Variants in RASGEF1C observed in about 807,000 individuals in gnomAD.
RASGEF1C encodes the protein RasGEF domain family member 1C.
RASGEF1C carries 27 observed loss-of-function variants against 58.1 expected under a neutral mutation model. The observed-to-expected ratio is 0.46, with a 90% CI of 0.34 to 0.64. The LOEUF is 0.64. Ranked by LOEUF, RASGEF1C falls within the 30% of genes least tolerant of loss-of-function variation. RASGEF1C has a pLI of 0.01. For missense variants in RASGEF1C, 502 were observed against 605.1 expected (o/e 0.83, Z 1.79); for synonymous variants, 243 against 246.3 (o/e 0.99, Z 0.13).
At chr5:180,114,382 G>T in intron 11 of RASGEF1C, 64 bp downstream of exon 11, 1 of 1,501,714 alleles carries the variant, frequency 6.7e-7, no homozygotes. Context: ...AAGGGCCAGT[G>T]GTCCTGCCCT....
intron 12 of RASGEF1C, 120 bp from the exon 13 acceptor site, chr5:180,102,263 G>A (rs1440509876): frequency 1.1e-5 from 7 of 647,916 alleles, no homozygotes; most frequent in Non-Finnish European, 1.9e-5. Flanking sequence ...TGATCCATGT[G>A]TCCATCCCTC....
At chr5:180,164,142 T>A (rs1766985899) in intron 1 of RASGEF1C, among the ~76,000 whole-genome samples, 1 of 152,236 alleles carries the variant, frequency 6.6e-6, no homozygotes, top group Admixed American at 6.5e-5. Context: ...CGCTAGAGAT[T>A]TGTCAATTGT....
At chr5:180,119,278 G>A in intron 8 of RASGEF1C, 68 bp downstream of exon 8, 2 of 1,322,064 alleles carry the variant, frequency 1.5e-6, no homozygotes. Context: ...TGCCTGCCTG[G>A]CTGCACCCAC....
rs1766613910 is a variant in RASGEF1C at position 180,143,395 on chromosome 5, G to T, written c.-6-5337C>A. 6.6e-6 allele frequency among the ~76,000 whole-genome samples: 1 copy of T among 152,232 alleles called. No individual in the cohort carries two copies. Among genetic ancestry groups the T allele is most frequent in the African/African-American group, 2.4e-5 (1 of 41,454 alleles). ...ACCATGTGGTGCGTTTATAAGGAAG[G>T]CCAGCCCTGAAGATGGATGTGCATT... On this transcript the variant is annotated intron_variant, in intron 1 of 13. Transcript: ENST00000361132. The surrounding 1 kb of genome is among the most constrained non-coding windows in gnomAD (Gnocchi z 4.3).
intron 1 of RASGEF1C, among the ~76,000 whole-genome samples, chr5:180,205,376 A>T (rs62406980): frequency 2.6e-5 from 4 of 152,026 alleles, no homozygotes; most frequent in Non-Finnish European, 4.4e-5. Flanking sequence ...AATAAACTTC[A>T]TAAGAAATAG....
chr5:180,127,448 C>G (rs997139316), intron 6 of RASGEF1C, among the ~76,000 whole-genome samples, 161 bp downstream of exon 6: 2 of 152,230 alleles, frequency 1.3e-5, no homozygotes, highest in Non-Finnish European at 2.9e-5. Flanking sequence ...GGTGCGCCCC[C>G]GAGCTGGAGG....
At chr5:180,207,632 C>CTGTCCGCCTGTCGCT (rs75928125) in intron 1 of RASGEF1C, among the ~76,000 whole-genome samples, 2 of 151,832 alleles carry the variant, frequency 1.3e-5, no homozygotes, top group Non-Finnish European at 2.9e-5. Flanking sequence ...CCTCTCTCGC[C>CTGTCCGCCTGTCGCT]TGCCCTCCCT....
intron 1 of RASGEF1C, among the ~76,000 whole-genome samples, chr5:180,153,425 A>G (rs1766797262): frequency 6.6e-6 from 1 of 152,196 alleles, no homozygotes; most frequent in African/African-American, 2.4e-5. Context: ...ATTCACCATG[A>G]TTTACTATCC....
chr5:180,161,197 C>T (rs1468029497), intron 1 of RASGEF1C, among the ~76,000 whole-genome samples: 2 of 152,234 alleles, frequency 1.3e-5, no homozygotes, highest in African/African-American at 4.8e-5. Context: ...CCACAGCCCC[C>T]AGACTAGAAA....
intron 1 of RASGEF1C, among the ~76,000 whole-genome samples, chr5:180,153,123 A>AG (rs1766791154): frequency 6.6e-6 from 1 of 152,112 alleles, no homozygotes. Context: ...GAACAATTAA[A>AG]GGGGAGGTAG....
At chr5:180,190,452 T>A (rs1016453813) in intron 1 of RASGEF1C, among the ~76,000 whole-genome samples, 4 of 131,734 alleles carry the variant, frequency 3.0e-5, no homozygotes, top group East Asian at 2.3e-4. Flanking sequence ...ATCGCGCCAC[T>A]GCACTCCAGA....
At chr5:180,185,056 G>C (rs576483196) in intron 1 of RASGEF1C, among the ~76,000 whole-genome samples, 2 of 152,320 alleles carry the variant, frequency 1.3e-5, no homozygotes, top group South Asian at 4.1e-4. Flanking sequence ...ACTTTGGGAG[G>C]CCGAGGTGGG....
Position 180,168,206 on chromosome 5 carries a change from A to G in RASGEF1C, c.-6-30148T>C, listed in dbSNP as rs140272724. Among the ~76,000 whole-genome samples, 91 of 152,276 alleles carry G rather than the reference A, an allele frequency of 6.0e-4. No homozygotes were observed. The highest frequency in any genetic ancestry group is 2.1e-3 in the African/African-American group (87 of 41,560). ...AGCACTTTGGGAGGCTGAGGTGGGC[A>G]GATCACCTGAGGTCAGGAGTTCGAG... On this transcript the variant is annotated intron_variant, in intron 1 of 13. Transcript: ENST00000361132. This position sits in a 1 kb window ranked among gnomAD's most constrained non-coding sequence, Gnocchi z 6.0.
At chr5:180,208,358 C>G (rs1344321558) in intron 1 of RASGEF1C, among the ~76,000 whole-genome samples, 1 of 152,160 alleles carries the variant, frequency 6.6e-6, no homozygotes. Flanking sequence ...TTCCCACGCC[C>G]ACGCTGAGCA....
At chr5:180,172,027 A>G (rs1008695619) in intron 1 of RASGEF1C, among the ~76,000 whole-genome samples, 2 of 152,350 alleles carry the variant, frequency 1.3e-5, no homozygotes, top group South Asian at 4.1e-4. Context: ...GACACCCGCA[A>G]GGAATCTGCA....
chr5:180,128,549 C>T lies in RASGEF1C; in HGVS notation c.500G>A (p.Arg167His), dbSNP rs539767479. The T allele has an allele frequency of 9.9e-6, 16 of 1,614,058 alleles. No individual in the cohort carries two copies. Among genetic ancestry groups the T allele is most frequent in the East Asian group, 8.9e-5 (4 of 44,882 alleles). Residue 167 changes from arginine to histidine, a missense_variant, in exon 5 of 14, where the codon CGC becomes CAC. By Grantham distance (29) the Arg-to-His change is conservative. Transcript: ENST00000361132. Reference protein sequence around the residue: ...QALHQKLAALRQGPEGLVGAD... With the variant: ...QALHQKLAALHQGPEGLVGAD... The stretch of plus-strand genomic sequence containing the variant: ...ACCCACCAGACCTTCTGGCCCCTGG[C>T]GCAGAGCCGCCAGCTTCTGGTGCAG...
rs1157583195 is a variant in RASGEF1C, at chr5:180,137,551, G to A, written c.300+39C>T. 39 of 1,593,808 alleles carry A rather than the reference G, an allele frequency of 2.4e-5. No individual in the cohort carries two copies. The highest frequency in any genetic ancestry group is 3.2e-5 in the Non-Finnish European group (38 of 1,172,384). On this transcript the variant is annotated intron_variant, in intron 3 of 13. Transcript: ENST00000361132. This position sits in a 1 kb window ranked among gnomAD's most constrained non-coding sequence, Gnocchi z 4.1. Reference sequence around the variant, plus strand: ...GTTGAGGGCATGGCAGGGCAGTGCTGGTACACTCTGAGACCCCCTGGCCTG... The same window carrying A: ...GTTGAGGGCATGGCAGGGCAGTGCTAGTACACTCTGAGACCCCCTGGCCTG...
At chr5:180,193,566 C>T (rs1000245586) in intron 1 of RASGEF1C, among the ~76,000 whole-genome samples, 2 of 152,038 alleles carry the variant, frequency 1.3e-5, no homozygotes, top group African/African-American at 4.8e-5. Flanking sequence ...ACAAGTGTTC[C>T]CATCCCCTCA....
intron 4 of RASGEF1C, among the ~76,000 whole-genome samples, chr5:180,130,659 C>T (rs1392903246): frequency 2.6e-5 from 4 of 152,240 alleles, no homozygotes; most frequent in East Asian, 3.8e-4. Context: ...TCCGCCTCAG[C>T]CTCCTGGTTG....
Sources: gnomAD v4.1 joint callset for allele counts (sites outside exome capture counted in the v4.1 genomes callset) on GRCh38, gnomAD v4.1.1 for gene constraint, Gnocchi (gnomAD v3.1) non-coding constraint, MANE v1.5 for transcripts, NCBI Gene and HGNC (gene_info 2026-07-23, HGNC 2026-07-21) for gene names.